CD6: variants seen among roughly 807,000 people sequenced by gnomAD.
The protein encoded by CD6 is CD6 molecule, also known as T-cell differentiation antigen CD6.
Under a neutral mutation model 75.3 loss-of-function variants are expected in CD6, and 53 were observed. The ratio of observed to expected loss-of-function variants is 0.70; its 90% CI spans 0.56 to 0.88. The LOEUF (loss-of-function observed/expected upper bound fraction) is 0.88, where lower values mean the gene tolerates loss of function less well. Among genes scored for constraint, CD6 ranks in the 40% least tolerant of loss-of-function variants. The pLI, the probability that CD6 is intolerant of heterozygous loss-of-function variation, is 0.00. For synonymous variants in CD6, 359 were observed against 381.5 expected (o/e 0.94, Z 0.69); for missense variants, 770 against 897.1 (o/e 0.86, Z 1.81).
At chr11:60,980,589 G>A (rs1419366529) in intron 1 of CD6, among the ~76,000 whole-genome samples, 2 of 152,222 alleles carry the variant, frequency 1.3e-5, no homozygotes, top group Admixed American at 1.3e-4. Flanking sequence ...AACACTTTGG[G>A]AGGTCAAGTA....
In CD6 at chr11:61,008,756, CG is replaced by C; in HGVS notation, c.697del (p.Ala233ProfsTer35). 1 of 1,605,012 alleles carries C rather than the reference CG, an allele frequency of 6.2e-7. No individual in the cohort carries two copies. The highest frequency in any genetic ancestry group is 8.5e-7 in the Non-Finnish European group (1 of 1,174,590). ...ATCCACCGGGACCAGGTGAACTGCT[CG>C]GGGGCCGAAGCTTACCTGTGGGACT... ...GPIHRDQVNC[S>X]GAEAYLWDCP... is the part of the protein sequence containing the mutation. On this transcript the variant is annotated frameshift_variant, in exon 4 of 13. Coordinates refer to ENST00000313421, the MANE Select transcript of CD6 (RefSeq NM_006725.5). LOFTEE classifies it high-confidence loss of function.
intron 12 of CD6, chr11:61,019,006 A>G (rs1016490456): frequency 2.1e-5 from 9 of 421,884 alleles, no homozygotes; most frequent in African/African-American, 1.8e-4. Context: ...GGGGCTTCCA[A>G]CATTCAATCG....
Position 61,019,499 on chromosome 11 carries a change from C to T in CD6, c.*181C>T, listed in dbSNP as rs886867492. ...TCGGTCTCCATCCATCAAGCCAAAC[C>T]TGCTGCCACAGCCCTCCCCCGGCCC... On this transcript the variant is annotated 3_prime_UTR_variant, in exon 13 of 13. Transcript: ENST00000313421. The T allele has an allele frequency of 2.2e-6, 1 of 461,746 alleles. No homozygotes were observed. The highest frequency in any genetic ancestry group is 5.2e-5 in the South Asian group (1 of 19,324). The allele number at this position is 461,746 out of a possible 1,614,324, so 28.6% of individuals were successfully genotyped here. A position where few individuals can be genotyped will look rare whatever the true frequency, so the allele number is the denominator to read the frequency against.
At chr11:60,978,041 T>C (rs554783949) in intron 1 of CD6, among the ~76,000 whole-genome samples, 1 of 152,252 alleles carries the variant, frequency 6.6e-6, no homozygotes, top group African/African-American at 2.4e-5. Flanking sequence ...CCATGGGAGA[T>C]TTCCTCCTCC....
chr11:60,986,576 A>G (rs1263939419), intron 1 of CD6, among the ~76,000 whole-genome samples: 1 of 152,198 alleles, frequency 6.6e-6, no homozygotes, highest in Non-Finnish European at 1.5e-5. Flanking sequence ...AGCCCTAACC[A>G]TGTCAACATA....
At chr11:60,978,659 C>T (rs1386449176) in intron 1 of CD6, among the ~76,000 whole-genome samples, 4 of 152,130 alleles carry the variant, frequency 2.6e-5, no homozygotes, top group East Asian at 1.9e-4. Flanking sequence ...TCTGGCTGTA[C>T]GCAGCAGAGA....
At chr11:60,989,580 A>G (rs984415054) in intron 1 of CD6, among the ~76,000 whole-genome samples, 36 of 152,206 alleles carry the variant, frequency 2.4e-4, no homozygotes, top group African/African-American at 8.7e-4. Flanking sequence ...CACGGGCTCT[A>G]TTACCTTTAC....
In CD6 at chr11:61,007,605, G is replaced by A. The variant is rs1386273166; in HGVS notation, c.164G>A (p.Ser55Asn). The A allele has an allele frequency of 2.0e-6, 3 of 1,503,872 alleles. No homozygotes were observed. The African/African-American group carries it at 4.4e-5, about 22-fold the overall frequency. 93.2% of individuals were successfully genotyped at this position (1,503,872 alleles called of 1,614,324 possible). A position where few individuals can be genotyped will look rare whatever the true frequency, so the allele number is the denominator to read the frequency against. Residue 55 changes from serine to asparagine, a missense_variant, in exon 3 of 13, where the codon AGC becomes AAC. Coordinates refer to ENST00000313421, the MANE Select transcript of CD6 (RefSeq NM_006725.5). The surrounding 1 kb of genome is among the most constrained non-coding windows in gnomAD (Gnocchi z 4.2). ...VRLTNGSSSC[S>N]GTVEVRLEAS... The stretch of plus-strand genomic sequence containing the variant: ...CTGACAAACGGGAGCAGCAGCTGCA[G>A]CGGGACGGTGGAGGTGCGGCTCGAG...
In CD6 at chr11:60,971,926, T is replaced by C. The variant is rs1590657197; in HGVS notation, c.49+12T>C. ...GGCAGCCCTCTCAGGTAGGCCCCCT[T>C]CCCTCATCTCCTGCCACTGGTGCTG... On this transcript the variant is annotated intron_variant, in intron 1 of 12. Coordinates refer to ENST00000313421, the MANE Select transcript of CD6 (RefSeq NM_006725.5). 2.5e-6 allele frequency: 4 copies of C among 1,613,310 alleles called. No individual in the cohort carries two copies. Among genetic ancestry groups the C allele is most frequent in the Non-Finnish European group, 3.4e-6 (4 of 1,179,708 alleles).
rs990137143 is a variant in CD6, at chr11:61,013,565, T to C, written c.1291+2T>C. Reference sequence around the variant, plus strand: ...TCTTGAGAATTAAAGGAAAATATGGTAAGTGCAAGGTTCTGGGAGCCATGG... The same window carrying C: ...TCTTGAGAATTAAAGGAAAATATGGCAAGTGCAAGGTTCTGGGAGCCATGG... On this transcript the variant is annotated splice_donor_variant, in intron 7 of 12. Transcript: ENST00000313421. LOFTEE classifies it high-confidence loss of function. 2.5e-6 allele frequency: 4 copies of C among 1,613,906 alleles called. No individual in the cohort carries two copies. Among genetic ancestry groups the C allele is most frequent in the Non-Finnish European group, 3.4e-6 (4 of 1,179,976 alleles).
intron 1 of CD6, 80 bp from the exon 2 acceptor site, chr11:61,006,494 G>T (rs1302151172): frequency 1.4e-5 from 17 of 1,180,632 alleles, no homozygotes; most frequent in Non-Finnish European, 2.0e-5. Flanking sequence ...TCCAGGAAGT[G>T]CCCCCTGCTC....
At chr11:60,984,622 A>G (rs1857726940) in intron 1 of CD6, among the ~76,000 whole-genome samples, 1 of 152,256 alleles carries the variant, frequency 6.6e-6, no homozygotes, top group Non-Finnish European at 1.5e-5. Context: ...ATAGACCAAA[A>G]ACATAAACAC....
Position 61,009,696 on chromosome 11 carries a change from C to G in CD6, c.906C>G (p.Leu302=). ...GGTACCCATCGGAGGCCAAGGTGCTCTGCCAGTCCTTGGGCTGTGGAACTG... is the reference window on the plus strand; with the variant it reads ...GGTACCCATCGGAGGCCAAGGTGCTGTGCCAGTCCTTGGGCTGTGGAACTG... ...SEWYPSEAKV[L]CQSLGCGTAV... Residue 302 remains leucine (L), a synonymous_variant, in exon 5 of 13, where the codon CTC becomes CTG. Coordinates refer to ENST00000313421, the MANE Select transcript of CD6 (RefSeq NM_006725.5). 6.2e-7 allele frequency: 1 copy of G among 1,614,096 alleles called. No individual in the cohort carries two copies. The highest frequency in any genetic ancestry group is 8.5e-7 in the Non-Finnish European group (1 of 1,180,018).
chr11:60,980,329 C>T (rs918643688), intron 1 of CD6, among the ~76,000 whole-genome samples: 5 of 151,440 alleles, frequency 3.3e-5, no homozygotes, highest in African/African-American at 1.2e-4. Flanking sequence ...ATAGTGTGAC[C>T]CCCACGTTTA....
intron 1 of CD6, among the ~76,000 whole-genome samples, chr11:60,987,350 T>C (rs1169712664): frequency 1.3e-5 from 2 of 152,224 alleles, no homozygotes; most frequent in African/African-American, 4.8e-5. Flanking sequence ...ATTTCCCACT[T>C]CTGTGAGGAC....
intron 8 of CD6, among the ~76,000 whole-genome samples, chr11:61,014,464 G>T (rs955488117): frequency 6.6e-6 from 1 of 152,228 alleles, no homozygotes; most frequent in Non-Finnish European, 1.5e-5. Flanking sequence ...GCTGGGTACA[G>T]TGGCTCACGC....
At position 60,972,615 on chromosome 11, in the gene CD6, C is replaced by A. The variant is rs534614530; in HGVS notation, c.49+701C>A. 7.2e-5 allele frequency among the ~76,000 whole-genome samples: 11 copies of A among 152,258 alleles called. No homozygotes were observed. The East Asian group carries it at 2.1e-3, about 30-fold the overall frequency. On this transcript the variant is annotated intron_variant, in intron 1 of 12. Coordinates refer to ENST00000313421, the MANE Select transcript of CD6 (RefSeq NM_006725.5). The stretch of plus-strand genomic sequence containing the variant: ...AGTGCAGGGTCCAAGCTGGCCAGAG[C>A]GGGGCAGGGGCCTGGAGATGCAAGA...
In CD6 at chr11:60,992,933, G is replaced by A. The variant is rs115147492; in HGVS notation, c.50-13641G>A. ...CTCAGTGGTCTAAAGTCTGGCGGGGGATCAAGAAGATGGGGCTGGTGACAT... is the reference window on the plus strand; with the variant it reads ...CTCAGTGGTCTAAAGTCTGGCGGGGAATCAAGAAGATGGGGCTGGTGACAT... On this transcript the variant is annotated intron_variant, in intron 1 of 12. Coordinates refer to ENST00000313421, the MANE Select transcript of CD6 (RefSeq NM_006725.5). Among the ~76,000 whole-genome samples the A allele has an allele frequency of 4.7e-3, 715 of 152,228 alleles. 8 individuals carry two copies. The highest frequency in any genetic ancestry group is 0.016 in the African/African-American group (682 of 41,544).
At chr11:60,979,174 C>G (rs1218876930) in intron 1 of CD6, among the ~76,000 whole-genome samples, 1 of 152,210 alleles carries the variant, frequency 6.6e-6, no homozygotes. Flanking sequence ...GTCCTGTGGG[C>G]TCTATTCTAG....
Sources: allele counts gnomAD v4.1 joint callset (sites outside exome capture counted in the v4.1 genomes callset), GRCh38; gene constraint gnomAD v4.1.1; non-coding constraint Gnocchi (gnomAD v3.1); transcripts MANE v1.5; gene names NCBI Gene and HGNC (gene_info 2026-07-23, HGNC 2026-07-21).